Variants in GNAQ observed in about 807,000 individuals in gnomAD.
The protein encoded by GNAQ is G protein subunit alpha q, also known as guanine nucleotide-binding protein G(q) subunit alpha.
Under a neutral mutation model 43.9 loss-of-function variants are expected in GNAQ, and 8 were observed. That is an observed-to-expected ratio of 0.18 (90% CI 0.11 to 0.33). GNAQ has a LOEUF of 0.33. GNAQ is among the 10% of genes least tolerant of loss of function. The probability of loss-of-function intolerance (pLI) is 1.00; values close to 1 mark genes in which losing one functional copy is unlikely to be tolerated. For missense variants in GNAQ, 158 were observed against 450.8 expected, an observed-to-expected ratio of 0.35 and a Z score of 5.88; for synonymous variants, 155 against 170.7, an observed-to-expected ratio of 0.91 and a Z score of 0.71.
chr9:77,766,251 G>C (rs1306481628), intron 5 of GNAQ, among the ~76,000 whole-genome samples: 1 of 152,118 alleles, frequency 6.6e-6, no homozygotes, highest in Non-Finnish European at 1.5e-5. Flanking sequence ...TTTTTTATCA[G>C]TGTGAAGTGT....
At chr9:77,992,499 G>T (rs1823520207) in intron 1 of GNAQ, among the ~76,000 whole-genome samples, 1 of 151,678 alleles carries the variant, frequency 6.6e-6, no homozygotes, top group African/African-American at 2.4e-5. Context: ...GAGACAGAAG[G>T]ACAGAGATCT....
chr9:77,792,029 A>G (rs1826582734), intron 5 of GNAQ, among the ~76,000 whole-genome samples: 1 of 151,128 alleles, frequency 6.6e-6, no homozygotes, highest in African/African-American at 2.4e-5. Context: ...ACAACTGGGG[A>G]AAAAAAGGGG....
At chr9:77,941,754 TGA>T (rs933658029) in intron 1 of GNAQ, among the ~76,000 whole-genome samples, 5 of 152,194 alleles carry the variant, frequency 3.3e-5, no homozygotes, top group African/African-American at 4.8e-5. Flanking sequence ...ATCCATATGA[TGA>T]GAGACTACGC....
At chr9:77,986,800 GC>G (rs1201308086) in intron 1 of GNAQ, among the ~76,000 whole-genome samples, 1 of 134,616 alleles carries the variant, frequency 7.4e-6, no homozygotes, top group Non-Finnish European at 1.6e-5. Flanking sequence ...ATGGCACCTG[GC>G]CCTTTTTTTT....
In GNAQ at chr9:77,838,190, C is replaced by T. The variant is rs1264248530; in HGVS notation, c.322-22420G>A. Among the ~76,000 whole-genome samples the T allele has an allele frequency of 2.9e-5, 4 of 136,264 alleles. No individual in the cohort carries two copies. The East Asian group carries it at 6.4e-4, about 22-fold the overall frequency. 89.4% of individuals were successfully genotyped at this position (136,264 alleles called of 152,430 possible). On this transcript the variant is annotated intron_variant, in intron 2 of 6. Coordinates refer to ENST00000286548, the MANE Select transcript of GNAQ (RefSeq NM_002072.5). ...AGGAGTCTCACTCTTGTTGCCCAAG[C>T]TGGAGTGCAATGGCGCAATCTTGAG...
intron 2 of GNAQ, among the ~76,000 whole-genome samples, chr9:77,823,026 G>A (rs575070667): frequency 2.0e-5 from 3 of 151,470 alleles, no homozygotes; most frequent in African/African-American, 7.3e-5. Flanking sequence ...TGCAAGCTCC[G>A]CCTCCCGGGT....
intron 2 of GNAQ, among the ~76,000 whole-genome samples, chr9:77,907,634 T>A (rs1363914667): frequency 6.6e-6 from 1 of 152,006 alleles, no homozygotes; most frequent in Non-Finnish European, 1.5e-5. Flanking sequence ...AAAGAACAAG[T>A]AAAAGGAGTG....
chr9:77,794,390 C>T (rs2118441965), intron 5 of GNAQ, 73 bp downstream of exon 5: 6 of 1,049,608 alleles, frequency 5.7e-6, no homozygotes, highest in Non-Finnish European at 8.1e-6. Flanking sequence ...CCATTCCCCA[C>T]ACCCTACTTT....
At chr9:77,798,387 C>G (rs536487722) in intron 3 of GNAQ, among the ~76,000 whole-genome samples, 3 of 152,056 alleles carry the variant, frequency 2.0e-5, no homozygotes, top group African/African-American at 7.2e-5. Context: ...TTCCCTGTAC[C>G]CTTTACCCAG....
chr9:77,840,417 A>C (rs183134002), intron 2 of GNAQ, among the ~76,000 whole-genome samples: 1,589 of 151,570 alleles, frequency 0.01, 28 homozygotes, highest in African/African-American at 0.037. Flanking sequence ...GCTCACTGTA[A>C]CCTCTGTCTC....
In GNAQ at chr9:78,021,246, G is replaced by A. The variant is rs557448715; in HGVS notation, c.136+9854C>T. On this transcript the variant is annotated intron_variant, in intron 1 of 6. Coordinates refer to ENST00000286548, the MANE Select transcript of GNAQ (RefSeq NM_002072.5). ...TCACCATGTTGCCCAGGCTGGTCTC[G>A]AACTCTTGGGCTCAAGCAATCTGCC... Among the ~76,000 whole-genome samples the A allele has an allele frequency of 3.3e-5, 5 of 151,848 alleles. No homozygotes were observed. The East Asian group carries it at 9.8e-4, about 30-fold the overall frequency.
intron 5 of GNAQ, among the ~76,000 whole-genome samples, chr9:77,784,110 G>GT (rs150563802): frequency 3.2e-4 from 48 of 150,320 alleles, no homozygotes; most frequent in African/African-American, 9.8e-4. Flanking sequence ...TGAAATTTTT[G>GT]TTTTTTTTTC....
Position 78,022,723 on chromosome 9 carries a change from A to G in GNAQ, c.136+8377T>C, listed in dbSNP as rs533979645. On this transcript the variant is annotated intron_variant, in intron 1 of 6. Transcript: ENST00000286548. ...TAGAACAAGTCACAGGAAATGGGTC[A>G]TCTCTCTAGGACAAGAGGAAAATTG... 2.0e-5 allele frequency among the ~76,000 whole-genome samples: 3 copies of G among 152,366 alleles called. No individual in the cohort carries two copies. In the East Asian group the frequency reaches 5.8e-4, roughly 29 times the overall value.
chr9:77,905,500 G>T (rs896960329), intron 2 of GNAQ, among the ~76,000 whole-genome samples: 1 of 152,078 alleles, frequency 6.6e-6, no homozygotes, highest in Admixed American at 6.6e-5. Context: ...CAAAATGAAA[G>T]AATAAAATTT....
intron 5 of GNAQ, among the ~76,000 whole-genome samples, chr9:77,789,083 C>T (rs1291848450): frequency 2.0e-5 from 3 of 152,120 alleles, no homozygotes; most frequent in African/African-American, 7.2e-5. Flanking sequence ...AATCTGTGGC[C>T]TACCATTAGG....
chr9:77,821,128 C>T (rs895928012), intron 2 of GNAQ, among the ~76,000 whole-genome samples: 14 of 152,156 alleles, frequency 9.2e-5, no homozygotes, highest in Non-Finnish European at 1.5e-4. Flanking sequence ...ATTAAGACTT[C>T]ACAAACTGAT....
intron 2 of GNAQ, among the ~76,000 whole-genome samples, chr9:77,841,374 A>G (rs536328541): frequency 2.2e-4 from 34 of 152,312 alleles, no homozygotes; most frequent in African/African-American, 7.7e-4. Context: ...GCAAGGGCAA[A>G]TGGGAGGAAA....
At chr9:78,014,278 G>T (rs1324662389) in intron 1 of GNAQ, among the ~76,000 whole-genome samples, 1 of 151,992 alleles carries the variant, frequency 6.6e-6, no homozygotes, top group Non-Finnish European at 1.5e-5. Flanking sequence ...AGTGTAACAA[G>T]AACAAACTCA....
chr9:77,740,087 A>G (rs575597150), intron 5 of GNAQ, among the ~76,000 whole-genome samples: 3 of 152,340 alleles, frequency 2.0e-5, no homozygotes, highest in Admixed American at 2.0e-4. Flanking sequence ...ACAATTCAGT[A>G]AAATATTTCC....
Sources: allele counts gnomAD v4.1 joint callset (sites outside exome capture counted in the v4.1 genomes callset), GRCh38; gene constraint gnomAD v4.1.1; transcripts MANE v1.5; gene names NCBI Gene and HGNC (gene_info 2026-07-23, HGNC 2026-07-21).